The following SNTN variants were observed in gnomAD, a reference collection of about 807,000 sequenced individuals.
SNTN encodes sentan.
Under a neutral mutation model 12.3 loss-of-function variants are expected in SNTN, and 13 were observed. The ratio of observed to expected loss-of-function variants is 1.05; its 90% CI spans 0.69 to 1.67. SNTN has a LOEUF of 1.67. Among genes scored for constraint, SNTN ranks in the 40% most tolerant of loss-of-function variants. The probability of loss-of-function intolerance (pLI) is 0.00; values close to 1 mark genes in which losing one functional copy is unlikely to be tolerated. For missense variants in SNTN, 189 were observed against 169.8 expected, an observed-to-expected ratio of 1.11 and a Z score of -0.63; for synonymous variants, 69 against 58.5, an observed-to-expected ratio of 1.18 and a Z score of -0.82.
chr3:63,663,693 C>A, intron 3 of SNTN: 1 of 620,754 alleles, frequency 1.6e-6, no homozygotes, highest in Non-Finnish European at 3.0e-6. Flanking sequence ...TGTTCATACA[C>A]CAGCTCCCCT....
At position 63,664,344 on chromosome 3, in the gene SNTN, T is replaced by C. The variant is rs1700778354; in HGVS notation, c.*249T>C. 8.1e-6 allele frequency: 3 copies of C among 371,586 alleles called. No homozygotes were observed. In the South Asian group the frequency reaches 1.3e-4, roughly 16 times the overall value. 23.0% of individuals were successfully genotyped at this position (371,586 alleles called of 1,614,324 possible). ...GATACCACTGAATAATAAATGGCTTTTGCTGAGTCAGTAGCGACCTAGAGC... is the reference window on the plus strand; with the variant it reads ...GATACCACTGAATAATAAATGGCTTCTGCTGAGTCAGTAGCGACCTAGAGC... On this transcript the variant is annotated 3_prime_UTR_variant, in exon 4 of 4. Coordinates refer to ENST00000343837, the MANE Select transcript of SNTN (RefSeq NM_001080537.2).
chr3:63,655,935 C>A (rs1241980108), intron 2 of SNTN, among the ~76,000 whole-genome samples: 1 of 152,116 alleles, frequency 6.6e-6, no homozygotes, highest in Non-Finnish European at 1.5e-5. Flanking sequence ...CCTCTAACAC[C>A]CAGGGTATTT....
chr3:63,660,016 G>A, intron 3 of SNTN, 152 bp downstream of exon 3: 1 of 853,718 alleles, frequency 1.2e-6, no homozygotes, highest in South Asian at 1.7e-5. Flanking sequence ...GAGCTGCACT[G>A]GAGTTGATGC....
intron 1 of SNTN, 25 bp downstream of exon 1, chr3:63,652,822 A>T (rs371690012): frequency 6.3e-7 from 1 of 1,589,878 alleles, no homozygotes; most frequent in Non-Finnish European, 8.6e-7. Context: ...GCTGTCTTTT[A>T]TTGAGTTTCA....
Position 63,664,571 on chromosome 3 carries a change from G to C in SNTN, c.*476G>C, listed in dbSNP as rs1364575133. 6.6e-6 allele frequency: 1 copy of C among 152,070 alleles called. No individual in the cohort carries two copies. Among genetic ancestry groups the C allele is most frequent in the Non-Finnish European group, 1.5e-5 (1 of 68,206 alleles). 9.4% of individuals were successfully genotyped at this position (152,070 alleles called of 1,614,324 possible). A position where few individuals can be genotyped will look rare whatever the true frequency, so the allele number is the denominator to read the frequency against. ...CACAGTATAATTAGAATTGAAATAA[G>C]GGCTATAGGATGCTAAAAGAGATTA... On this transcript the variant is annotated 3_prime_UTR_variant, in exon 4 of 4. Transcript: ENST00000343837.
intron 2 of SNTN, among the ~76,000 whole-genome samples, chr3:63,655,953 G>C (rs1178784501): frequency 6.6e-6 from 1 of 152,110 alleles, no homozygotes; most frequent in Non-Finnish European, 1.5e-5. Context: ...TTTTTGCAGT[G>C]GGAAAATTTG....
intron 2 of SNTN, among the ~76,000 whole-genome samples, chr3:63,659,267 G>A (rs1328403328): frequency 6.6e-6 from 1 of 152,164 alleles, no homozygotes; most frequent in Non-Finnish European, 1.5e-5. Context: ...TTTCCTGAAA[G>A]TCATTCTCCT....
chr3:63,653,735 C>G (rs1431895664), intron 1 of SNTN, among the ~76,000 whole-genome samples: 1 of 152,168 alleles, frequency 6.6e-6, no homozygotes, highest in African/African-American at 2.4e-5. Context: ...TCCAATTTGG[C>G]CCCTTTTCTA....
intron 2 of SNTN, among the ~76,000 whole-genome samples, chr3:63,655,823 C>T (rs1392353892): frequency 1.3e-5 from 2 of 152,164 alleles, no homozygotes; most frequent in Admixed American, 6.5e-5. Flanking sequence ...ATGGATAGGT[C>T]GTGACATAGA....
At chr3:63,653,703 G>C (rs1373190816) in intron 1 of SNTN, among the ~76,000 whole-genome samples, 3 of 152,202 alleles carry the variant, frequency 2.0e-5, no homozygotes, top group African/African-American at 7.2e-5. Flanking sequence ...GTTTATAAGA[G>C]AGCAAGATAC....
chr3:63,656,563 C>T (rs1700681320), intron 2 of SNTN, among the ~76,000 whole-genome samples: 1 of 152,062 alleles, frequency 6.6e-6, no homozygotes, highest in East Asian at 1.9e-4. Context: ...ATATTGGCTT[C>T]AGTAAAATAG....
chr3:63,654,536 A>C (rs1337845626), intron 1 of SNTN, among the ~76,000 whole-genome samples: 1 of 152,170 alleles, frequency 6.6e-6, no homozygotes, highest in Non-Finnish European at 1.5e-5. Flanking sequence ...GCAAAACTAC[A>C]AGGAAGACTG....
intron 2 of SNTN, 34 bp from the exon 3 acceptor site, chr3:63,659,691 C>A (rs1184747774): frequency 6.2e-7 from 1 of 1,612,234 alleles, no homozygotes. Flanking sequence ...ATTTCTAACT[C>A]AGGATACTTT....
chr3:63,661,544 T>C (rs1700744280), intron 3 of SNTN, among the ~76,000 whole-genome samples: 1 of 152,158 alleles, frequency 6.6e-6, no homozygotes, highest in Admixed American at 6.6e-5. Flanking sequence ...TGAACGGAAG[T>C]AAATGTTAAT....
intron 3 of SNTN, among the ~76,000 whole-genome samples, chr3:63,661,185 A>T (rs961045814): frequency 6.6e-6 from 1 of 152,202 alleles, no homozygotes; most frequent in African/African-American, 2.4e-5. Context: ...ATTACATTCT[A>T]TCGGCAGTAT....
chr3:63,652,869 C>T, intron 1 of SNTN, 72 bp downstream of exon 1: 1 of 1,431,114 alleles, frequency 7.0e-7, no homozygotes, highest in Non-Finnish European at 9.8e-7. Context: ...GAGTTTATGT[C>T]AACAGCTTTA....
At chr3:63,661,721 A>C (rs1318713463) in intron 3 of SNTN, among the ~76,000 whole-genome samples, 3 of 152,018 alleles carry the variant, frequency 2.0e-5, no homozygotes, top group Admixed American at 1.3e-4. Context: ...TCAAGAGATA[A>C]CAAGTTTTGG....
intron 2 of SNTN, 107 bp downstream of exon 2, chr3:63,654,903 A>G: frequency 1.0e-6 from 1 of 988,360 alleles, no homozygotes; most frequent in Non-Finnish European, 1.6e-6. Flanking sequence ...GATGTAAGGG[A>G]ACTTTTGAAT....
At position 63,663,077 on chromosome 3, in the gene SNTN, T is replaced by C. The variant is rs566772993; in HGVS notation, c.286-860T>C. Among the ~76,000 whole-genome samples the C allele has an allele frequency of 2.0e-5, 3 of 152,324 alleles. No individual in the cohort carries two copies. The South Asian group carries it at 6.2e-4, about 32-fold the overall frequency. On this transcript the variant is annotated intron_variant, in intron 3 of 3. Coordinates refer to ENST00000343837, the MANE Select transcript of SNTN (RefSeq NM_001080537.2). Reference sequence around the variant, plus strand: ...TATATTTCTGGATAATCTTAAGTCTTAGATAACGAACCCATAGAAGATACC... The same window carrying C: ...TATATTTCTGGATAATCTTAAGTCTCAGATAACGAACCCATAGAAGATACC...
Sources: allele counts gnomAD v4.1 joint callset (sites outside exome capture counted in the v4.1 genomes callset), GRCh38; gene constraint gnomAD v4.1.1; transcripts MANE v1.5; gene names NCBI Gene and HGNC (gene_info 2026-07-23, HGNC 2026-07-21).